The following LOXL4 variants were observed in gnomAD, a reference collection of about 807,000 sequenced individuals.
LOXL4 encodes the protein lysyl oxidase homolog 4.
LOXL4 carries 72 observed loss-of-function variants against 89.1 expected under a neutral mutation model. That is an observed-to-expected ratio of 0.81 (90% CI 0.67 to 0.98). The LOEUF is 0.98. Ranked by LOEUF, LOXL4 falls within the 50% of genes least tolerant of loss-of-function variation. The pLI, the probability that LOXL4 is intolerant of heterozygous loss-of-function variation, is 0.00. For missense variants in LOXL4, 984 were observed against 1,017.5 expected (o/e 0.97, Z 0.45); for synonymous variants, 355 against 392.1 (o/e 0.91, Z 1.12).
chr10:98,250,313 C>T (rs1340456425), intron 14 of LOXL4, among the ~76,000 whole-genome samples: 1 of 152,206 alleles, frequency 6.6e-6, no homozygotes, highest in African/African-American at 2.4e-5. Flanking sequence ...TCAGTCCACA[C>T]ATTAGTAGTA....
chr10:98,250,226 C>T (rs546258565), intron 14 of LOXL4, among the ~76,000 whole-genome samples: 1 of 152,324 alleles, frequency 6.6e-6, no homozygotes, highest in South Asian at 2.1e-4. Context: ...CTCCTTCAAA[C>T]CTCAGATCAA....
intron 6 of LOXL4, 63 bp from the exon 7 acceptor site, chr10:98,258,227 CA>C: frequency 6.7e-7 from 1 of 1,496,884 alleles, no homozygotes; most frequent in Non-Finnish European, 9.0e-7. Context: ...GCTGAGCCCC[CA>C]CAGCGGGATC....
chr10:98,264,376 T>G, intron 1 of LOXL4, among the ~76,000 whole-genome samples: 2 of 145,190 alleles, frequency 1.4e-5, no homozygotes, highest in African/African-American at 2.6e-5. Context: ...AGAGGTGAGT[T>G]TGTGCAAGAG....
At chr10:98,257,572 T>C (rs1858414019) in intron 8 of LOXL4, 78 bp downstream of exon 8, 1 of 1,515,778 alleles carries the variant, frequency 6.6e-7, no homozygotes, top group Non-Finnish European at 8.9e-7. Context: ...CTCTCCCCGC[T>C]AGCTCGATGT....
rs573256177 is a variant in LOXL4 at position 98,254,865 on chromosome 10, G to C, written c.1591+712C>G. Among the ~76,000 whole-genome samples the C allele has an allele frequency of 1.1e-4, 16 of 152,326 alleles. No homozygotes were observed. The South Asian group carries it at 3.1e-3, about 30-fold the overall frequency. The stretch of plus-strand genomic sequence containing the variant: ...TGTTCTCCCCAGGGTGCCCTGGACA[G>C]AGAGGAAGCCAGGAGCTCACTGACA... On this transcript the variant is annotated intron_variant, in intron 10 of 14. Coordinates refer to ENST00000260702, the MANE Select transcript of LOXL4 (RefSeq NM_032211.7).
At chr10:98,258,414 C>T (rs555804791) in intron 6 of LOXL4, among the ~76,000 whole-genome samples, 8 of 151,708 alleles carry the variant, frequency 5.3e-5, no homozygotes, top group East Asian at 1.9e-4. Context: ...TCAAGTGTGG[C>T]GCTAAGGCAT....
intron 4 of LOXL4, among the ~76,000 whole-genome samples, 162 bp from the exon 5 acceptor site, chr10:98,259,591 G>C (rs148718673): frequency 6.6e-6 from 1 of 152,302 alleles, no homozygotes; most frequent in South Asian, 2.1e-4. Context: ...AGCCCTGACG[G>C]GGTGGCCACC....
chr10:98,261,242 C>A, intron 3 of LOXL4, 115 bp from the exon 4 acceptor site: 1 of 1,092,170 alleles, frequency 9.2e-7, no homozygotes, highest in Non-Finnish European at 1.3e-6. Flanking sequence ...CCATCCCACC[C>A]AGCCCGGTCA....
intron 1 of LOXL4, among the ~76,000 whole-genome samples, chr10:98,263,406 C>A (rs1042846456): frequency 6.6e-6 from 1 of 152,158 alleles, no homozygotes; most frequent in Non-Finnish European, 1.5e-5. Context: ...TTGGTGAGTA[C>A]ACAATAAACA....
At chr10:98,267,097 A>G (rs1353141739) in intron 1 of LOXL4, among the ~76,000 whole-genome samples, 1 of 152,204 alleles carries the variant, frequency 6.6e-6, no homozygotes, top group Non-Finnish European at 1.5e-5. Flanking sequence ...TCTCCATTTT[A>G]CAGATGAGAA....
At chr10:98,263,191 C>T in intron 1 of LOXL4, 140 bp from the exon 2 acceptor site, 1 of 620,236 alleles carries the variant, frequency 1.6e-6, no homozygotes, top group South Asian at 2.2e-5. Context: ...CACACACACA[C>T]ACAGTGGCAT....
At chr10:98,250,245 T>A (rs532101409) in intron 14 of LOXL4, among the ~76,000 whole-genome samples, 41 of 152,288 alleles carry the variant, frequency 2.7e-4, no homozygotes, top group East Asian at 1.9e-4. Flanking sequence ...AAATACTACT[T>A]CTGTGAAGCT....
chr10:98,251,408 C>A (rs752140586), intron 13 of LOXL4, among the ~76,000 whole-genome samples, 158 bp downstream of exon 13: 1 of 152,204 alleles, frequency 6.6e-6, no homozygotes, highest in Non-Finnish European at 1.5e-5. Context: ...TTCATTGGAC[C>A]CAGCTTGACT....
At chr10:98,266,995 G>T (rs1015140292) in intron 1 of LOXL4, among the ~76,000 whole-genome samples, 1 of 152,194 alleles carries the variant, frequency 6.6e-6, no homozygotes, top group Non-Finnish European at 1.5e-5. Context: ...AAGGAGAAGG[G>T]GACAGAAGAG....
In LOXL4 at chr10:98,247,933, T is replaced by C. The variant is rs916500674; in HGVS notation, c.*988A>G. The C allele has an allele frequency of 6.6e-6, 1 of 152,266 alleles. No homozygotes were observed. The highest frequency in any genetic ancestry group is 2.4e-5 in the African/African-American group (1 of 41,470). 9.4% of individuals were successfully genotyped at this position (152,266 alleles called of 1,614,324 possible). ...TCTGATTTCTCCACGGTCTTCTGTC[T>C]CTTGCTCTGCCAAACTTGTTTTCTT... On this transcript the variant is annotated 3_prime_UTR_variant, in exon 15 of 15. Transcript: ENST00000260702.
At position 98,262,868 on chromosome 10, in the gene LOXL4, T is replaced by C. The variant is rs745534627; in HGVS notation, c.152A>G (p.Gln51Arg). 6.2e-7 allele frequency: 1 copy of C among 1,613,722 alleles called. No homozygotes were observed. Among genetic ancestry groups the C allele is most frequent in the South Asian group, 1.1e-5 (1 of 91,086 alleles). ...PEEGRLEVLH[Q>R]GQWGTVCDDN... ...ATCACACACGGTGCCCCACTGGCCC[T>C]GGTGCAGCACCTCCAGGCGGCCCTC... The change falls in exon 2 of 15, where the codon CAG (glutamine) becomes CGG (arginine). Residue 51 changes from glutamine (Q) to arginine (R), a missense_variant. Gln to Arg is a conservative substitution (Grantham distance 43). Transcript: ENST00000260702.
chr10:98,251,548 A>G lies in LOXL4; in HGVS notation c.2088+18T>C. 1 of 1,613,104 alleles carries G rather than the reference A, an allele frequency of 6.2e-7. No individual in the cohort carries two copies. Among genetic ancestry groups the G allele is most frequent in the Non-Finnish European group, 8.5e-7 (1 of 1,179,464 alleles). On this transcript the variant is annotated intron_variant, in intron 13 of 14. Transcript: ENST00000260702. ...TGGAGGAAATCAGGCTCTGTGGGGAATCCCCCAGCCGCCTTACCTGGAAGA... is the reference window on the plus strand; with the variant it reads ...TGGAGGAAATCAGGCTCTGTGGGGAGTCCCCCAGCCGCCTTACCTGGAAGA...
Position 98,265,665 on chromosome 10 carries a change from C to T in LOXL4, c.-33+2467G>A, listed in dbSNP as rs530569679. 1.9e-3 allele frequency among the ~76,000 whole-genome samples: 136 copies of T among 71,566 alleles called. 33 individuals are homozygous for T. Among genetic ancestry groups the T allele is most frequent in the African/African-American group, 6.3e-3 (131 of 20,636 alleles). The allele number at this position is 71,566 out of a possible 152,430, so 47.0% of individuals were successfully genotyped here. On this transcript the variant is annotated intron_variant, in intron 1 of 14. Coordinates refer to ENST00000260702, the MANE Select transcript of LOXL4 (RefSeq NM_032211.7). ...CACCCGCCTTGGCCTCCCAAAGTGA[C>T]GGGATTACCAGCGTGAGCCACTACA...
chr10:98,262,676 G>A, intron 2 of LOXL4, 67 bp downstream of exon 2: 4 of 1,557,490 alleles, frequency 2.6e-6, no homozygotes, highest in Non-Finnish European at 3.5e-6. Context: ...GTGGGTGTCA[G>A]TGAGCCCAGC....
Sources: gnomAD v4.1 joint callset for allele counts (sites outside exome capture counted in the v4.1 genomes callset) on GRCh38, gnomAD v4.1.1 for gene constraint, MANE v1.5 for transcripts, NCBI Gene and HGNC (gene_info 2026-07-23, HGNC 2026-07-21) for gene names.